ABCC1: variants seen among roughly 807,000 people sequenced by gnomAD.
ABCC1 encodes the protein ATP binding cassette subfamily C member 1 (ABCC1 blood group).
ABCC1 carries 83 observed loss-of-function variants against 172.9 expected under a neutral mutation model. That is an observed-to-expected ratio of 0.48 (90% confidence interval 0.40 to 0.58). ABCC1 has a LOEUF of 0.58. Among genes scored for constraint, ABCC1 ranks in the 20% least tolerant of loss-of-function variants. The probability of loss-of-function intolerance (pLI) is 0.00; values close to 1 mark genes in which losing one functional copy is unlikely to be tolerated. For missense variants in ABCC1, 1,817 were observed against 2,002.7 expected, an observed-to-expected ratio of 0.91 and a Z score of 1.77; for synonymous variants, 937 against 825.2, an observed-to-expected ratio of 1.14 and a Z score of -2.32.
chr16:15,963,906 A>G (rs1179968837), intron 1 of ABCC1, among the ~76,000 whole-genome samples: 1 of 151,306 alleles, frequency 6.6e-6, no homozygotes, highest in Non-Finnish European at 1.5e-5. Context: ...TCTTCAGAAA[A>G]TGGGTTTTTC....
At chr16:16,025,506 C>G (rs956114273) in intron 5 of ABCC1, among the ~76,000 whole-genome samples, 1 of 152,204 alleles carries the variant, frequency 6.6e-6, no homozygotes, top group African/African-American at 2.4e-5. Flanking sequence ...TGCTGCTGCA[C>G]GCATTGCCTC....
At chr16:15,975,802 C>T (rs1384693616) in intron 1 of ABCC1, among the ~76,000 whole-genome samples, 11 of 151,994 alleles carry the variant, frequency 7.2e-5, no homozygotes, top group South Asian at 6.2e-4. Flanking sequence ...GTGATCTGCC[C>T]GCCTCAGCCT....
intron 24 of ABCC1, among the ~76,000 whole-genome samples, chr16:16,123,219 T>G (rs1278455029): frequency 6.6e-6 from 1 of 152,164 alleles, no homozygotes; most frequent in Non-Finnish European, 1.5e-5. Flanking sequence ...GATCAGTCAC[T>G]TGGTTCATAA....
At chr16:16,084,510 C>T (rs896309406) in intron 17 of ABCC1, among the ~76,000 whole-genome samples, 1 of 148,324 alleles carries the variant, frequency 6.7e-6, no homozygotes, top group Non-Finnish European at 1.5e-5. Flanking sequence ...ACTACAGGCC[C>T]CTGCCACCAC....
At chr16:16,112,516 A>G (rs900566494) in intron 22 of ABCC1, among the ~76,000 whole-genome samples, 5 of 152,172 alleles carry the variant, frequency 3.3e-5, no homozygotes, top group African/African-American at 1.2e-4. Flanking sequence ...CACGTGTTTT[A>G]ACTTATTTTA....
chr16:16,010,331 T>C (rs892851867), intron 3 of ABCC1, among the ~76,000 whole-genome samples: 1 of 152,162 alleles, frequency 6.6e-6, no homozygotes, highest in Non-Finnish European at 1.5e-5. Flanking sequence ...CATGAGCCAC[T>C]GTTCCCAGCC....
At chr16:16,039,049 T>C (rs1199102400) in intron 7 of ABCC1, among the ~76,000 whole-genome samples, 1 of 151,838 alleles carries the variant, frequency 6.6e-6, no homozygotes, top group Non-Finnish European at 1.5e-5. Context: ...GTTCAGAGAG[T>C]GGAACAAAAG....
At position 16,036,649 on chromosome 16, in the gene ABCC1, T is replaced by A. The variant is rs759704223; in HGVS notation, c.809+46T>A. The A allele has an allele frequency of 3.7e-6, 6 of 1,600,686 alleles. No homozygotes were observed. In the Admixed American group the frequency reaches 8.4e-5, roughly 22 times the overall value. On this transcript the variant is annotated intron_variant, in intron 7 of 30. Coordinates refer to ENST00000399410, the MANE Select transcript of ABCC1 (RefSeq NM_004996.4). ...CCTCCAGGATGCCCTGGTCACCTCC[T>A]TTCCACTCCTGTGGCCTCAATCCAG... is the stretch of plus-strand genomic sequence containing the variant.
At chr16:15,975,742 G>T (rs13329759) in intron 1 of ABCC1, among the ~76,000 whole-genome samples, 1 of 151,680 alleles carries the variant, frequency 6.6e-6, no homozygotes, top group African/African-American at 2.4e-5. Flanking sequence ...TTTTATTACA[G>T]ACGGGGTTTC....
chr16:16,071,620 C>T lies in ABCC1; in HGVS notation c.1825-22C>T, dbSNP rs45487499. The stretch of plus-strand genomic sequence containing the variant: ...AAATGCTTTTTAAAAATAACTCTCC[C>T]CTGCCATTGCTCTCTGTACAGGCGA... On this transcript the variant is annotated intron_variant, in intron 13 of 30. Coordinates refer to ENST00000399410, the MANE Select transcript of ABCC1 (RefSeq NM_004996.4). 1.9e-6 allele frequency: 3 copies of T among 1,608,198 alleles called. No homozygotes were observed. In the African/African-American group the frequency reaches 4.0e-5, roughly 22 times the overall value.
intron 13 of ABCC1, among the ~76,000 whole-genome samples, chr16:16,069,936 A>G (rs1052556728): frequency 7.2e-5 from 11 of 152,166 alleles, no homozygotes; most frequent in Admixed American, 5.9e-4. Context: ...AGACACGAGA[A>G]TCGCTTGAAC....
chr16:16,079,848 C>G (rs1261455026), intron 16 of ABCC1, among the ~76,000 whole-genome samples: 1 of 150,006 alleles, frequency 6.7e-6, no homozygotes, highest in East Asian at 1.9e-4. Context: ...GGGTCAGGCT[C>G]TGTCCCGCAG....
chr16:16,104,325 G>GT (rs1329564713), intron 20 of ABCC1, among the ~76,000 whole-genome samples: 1 of 152,152 alleles, frequency 6.6e-6, no homozygotes, highest in Non-Finnish European at 1.5e-5. Context: ...CGATTGGTCT[G>GT]TTTTTACAGA....
chr16:16,002,143 C>A (rs547252419), intron 1 of ABCC1, among the ~76,000 whole-genome samples: 114 of 152,286 alleles, frequency 7.5e-4, no homozygotes, highest in Admixed American at 1.2e-3. Context: ...CAAGTTCATC[C>A]CTACAATAGA....
intron 13 of ABCC1, among the ~76,000 whole-genome samples, chr16:16,069,097 C>G (rs2050224246): frequency 6.8e-6 from 1 of 147,998 alleles, no homozygotes; most frequent in Admixed American, 6.7e-5. Context: ...CTCTTAAGCC[C>G]AGGAGTTTGA....
At position 16,101,417 on chromosome 16, in the gene ABCC1, C is replaced by T. The variant is rs115049916; in HGVS notation, c.2645-1210C>T. Among the ~76,000 whole-genome samples, 539 of 152,316 alleles carry T rather than the reference C, an allele frequency of 3.5e-3. 7 individuals are homozygous for T. Among genetic ancestry groups the T allele is most frequent in the African/African-American group, 0.012 (500 of 41,576 alleles). On this transcript the variant is annotated intron_variant, in intron 19 of 30. Transcript: ENST00000399410. ...CTGGCATGGAGTGCCTCCCTCTGTC[C>T]AGGAATGATCTGCAGCCCCCTCTTC...
chr16:16,116,563 T>C (rs2044879823), intron 23 of ABCC1, among the ~76,000 whole-genome samples: 1 of 152,012 alleles, frequency 6.6e-6, no homozygotes, highest in African/African-American at 2.4e-5. Context: ...AGGCGTTATT[T>C]TTATTACTTT....
intron 1 of ABCC1, among the ~76,000 whole-genome samples, chr16:15,976,208 A>T (rs1351767519): frequency 6.6e-6 from 1 of 152,198 alleles, no homozygotes; most frequent in African/African-American, 2.4e-5. Context: ...CAGACATTGC[A>T]GTGAGCCGAG....
chr16:16,111,150 C>T (rs1287085644), intron 21 of ABCC1, among the ~76,000 whole-genome samples: 2 of 152,210 alleles, frequency 1.3e-5, no homozygotes, highest in South Asian at 2.1e-4. Flanking sequence ...CTGCCCGCCT[C>T]AGCCTCCCAA....
Sources: gnomAD v4.1 joint callset for allele counts (sites outside exome capture counted in the v4.1 genomes callset) on GRCh38, gnomAD v4.1.1 for gene constraint, MANE v1.5 for transcripts, NCBI Gene and HGNC (gene_info 2026-07-23, HGNC 2026-07-21) for gene names.